The following CADM1 variants were observed in gnomAD, a reference collection of about 807,000 sequenced individuals.
CADM1 encodes cell adhesion molecule 1.
In CADM1, 15 loss-of-function variants were observed where a neutral mutation model predicts 53.1. The ratio of observed to expected loss-of-function variants is 0.28; its 90% confidence interval spans 0.19 to 0.44. The LOEUF is 0.44. Among genes scored for constraint, CADM1 ranks in the 20% least tolerant of loss-of-function variants. CADM1 has a pLI of 1.00. For missense variants in CADM1, 434 were observed against 611.3 expected (o/e 0.71, Z 3.06); for synonymous variants, 281 against 243.0 (o/e 1.16, Z -1.45).
At chr11:115,419,945 G>T (rs2135267709) in intron 1 of CADM1, among the ~76,000 whole-genome samples, 1 of 152,260 alleles carries the variant, frequency 6.6e-6, no homozygotes, top group Non-Finnish European at 1.5e-5. Context: ...AATAAATTCA[G>T]TTCGAGCCTT....
At chr11:115,364,160 T>C (rs562140310) in intron 1 of CADM1, among the ~76,000 whole-genome samples, 14 of 152,324 alleles carry the variant, frequency 9.2e-5, no homozygotes, top group Non-Finnish European at 1.6e-4. Flanking sequence ...GTGATCTTTC[T>C]CAGTGAAATT....
chr11:115,180,220 A>C (rs1305697051), intron 10 of CADM1, among the ~76,000 whole-genome samples: 1 of 152,210 alleles, frequency 6.6e-6, no homozygotes, highest in East Asian at 1.9e-4. Context: ...GATGTGGGGA[A>C]ATAACTCGTG....
rs78148978 is a variant in CADM1, at chr11:115,366,560, C to T, written c.125-126140G>A. On this transcript the variant is annotated intron_variant, in intron 1 of 11. Transcript: ENST00000331581. Reference sequence around the variant, plus strand: ...TTTTTCCTTTCTTCCACTCATCACACAACATGCAAAGAAATACGTCATTTT... The same window carrying T: ...TTTTTCCTTTCTTCCACTCATCACATAACATGCAAAGAAATACGTCATTTT... Among the ~76,000 whole-genome samples the T allele has an allele frequency of 1.9e-4, 29 of 152,268 alleles. No individual in the cohort carries two copies. The East Asian group carries it at 5.4e-3, about 28-fold the overall frequency.
At chr11:115,298,793 T>C (rs1165486400) in intron 1 of CADM1, among the ~76,000 whole-genome samples, 1 of 152,194 alleles carries the variant, frequency 6.6e-6, no homozygotes, top group African/African-American at 2.4e-5. Context: ...TCACGTGGTA[T>C]TTACTAAATA....
At chr11:115,218,093 C>T (rs774632381) in intron 5 of CADM1, 102 bp from the exon 6 acceptor site, 15 of 766,940 alleles carry the variant, frequency 2.0e-5, no homozygotes, top group Non-Finnish European at 3.2e-5. Context: ...CACTTACTCT[C>T]TCCCATCCGA....
chr11:115,237,270 C>T lies in CADM1; in HGVS notation c.424+1230G>A, dbSNP rs1163037112. 2.6e-5 allele frequency among the ~76,000 whole-genome samples: 4 copies of T among 152,278 alleles called. No individual in the cohort carries two copies. In the East Asian group the frequency reaches 7.7e-4, roughly 29 times the overall value. On this transcript the variant is annotated intron_variant, in intron 3 of 11. Coordinates refer to ENST00000331581, the MANE Select transcript of CADM1 (RefSeq NM_001301043.2). ...TCTACAGGTCTAATCTGGAGTAAAA[C>T]CACAATAGTGACAAATATGAATACG... is the stretch of plus-strand genomic sequence containing the variant.
At chr11:115,398,912 A>C (rs1294619431) in intron 1 of CADM1, among the ~76,000 whole-genome samples, 1 of 152,180 alleles carries the variant, frequency 6.6e-6, no homozygotes, top group Non-Finnish European at 1.5e-5. Flanking sequence ...TTCAGATAAC[A>C]GGAGGGAGAG....
intron 1 of CADM1, among the ~76,000 whole-genome samples, chr11:115,346,666 T>C (rs1945587437): frequency 6.6e-6 from 1 of 152,214 alleles, no homozygotes; most frequent in Admixed American, 6.5e-5. Flanking sequence ...CCCAGGTTTC[T>C]TTAAAATGAA....
intron 1 of CADM1, among the ~76,000 whole-genome samples, chr11:115,385,949 T>C (rs1946689934): frequency 6.6e-6 from 1 of 152,246 alleles, no homozygotes. Context: ...TTCCCTGCAT[T>C]GGGATTTCCT....
intron 4 of CADM1, among the ~76,000 whole-genome samples, chr11:115,231,107 T>A (rs957976456): frequency 1.3e-5 from 2 of 152,174 alleles, no homozygotes; most frequent in African/African-American, 4.8e-5. Context: ...TTTTAGTTCT[T>A]TCTGGGCATC....
intron 1 of CADM1, among the ~76,000 whole-genome samples, chr11:115,382,937 G>T (rs1489269911): frequency 1.3e-5 from 2 of 152,046 alleles, no homozygotes; most frequent in African/African-American, 2.4e-5. Flanking sequence ...AAATAGGGAA[G>T]AAAAAGAAAA....
chr11:115,304,921 G>A (rs2135145193), intron 1 of CADM1, among the ~76,000 whole-genome samples: 1 of 152,056 alleles, frequency 6.6e-6, no homozygotes, highest in East Asian at 1.9e-4. Context: ...GAATCATTAT[G>A]TAAACAATGG....
At chr11:115,253,618 G>A (rs188910173) in intron 1 of CADM1, among the ~76,000 whole-genome samples, 2 of 152,266 alleles carry the variant, frequency 1.3e-5, no homozygotes, top group Admixed American at 1.3e-4. Context: ...ATATGTAATT[G>A]ATGACTGACA....
At chr11:115,247,623 G>A (rs1263314181) in intron 1 of CADM1, among the ~76,000 whole-genome samples, 2 of 152,114 alleles carry the variant, frequency 1.3e-5, no homozygotes, top group Admixed American at 6.5e-5. Flanking sequence ...TGATGCTTAG[G>A]GTGGTGGCTC....
At chr11:115,356,803 T>A (rs764127086) in intron 1 of CADM1, among the ~76,000 whole-genome samples, 7 of 152,190 alleles carry the variant, frequency 4.6e-5, no homozygotes, top group Non-Finnish European at 7.4e-5. Flanking sequence ...CGAGACAAAC[T>A]GATGCTGTAA....
At chr11:115,302,422 G>C (rs1376157624) in intron 1 of CADM1, among the ~76,000 whole-genome samples, 1 of 152,012 alleles carries the variant, frequency 6.6e-6, no homozygotes, top group Non-Finnish European at 1.5e-5. Context: ...TTTTTAAACT[G>C]ATATATCAAA....
rs115389379 is a variant in CADM1 at position 115,308,580 on chromosome 11, A to T, written c.125-68160T>A. ...GTAGTGTTAGAGTGATTTTTTTCAC[A>T]AAGTAACCTATTTTTCACATTTTAG... is the stretch of plus-strand genomic sequence containing the variant. On this transcript the variant is annotated intron_variant, in intron 1 of 11. Transcript: ENST00000331581. Among the ~76,000 whole-genome samples the T allele has an allele frequency of 5.6e-3, 854 of 152,148 alleles. 10 individuals are homozygous for T. Among genetic ancestry groups the T allele is most frequent in the African/African-American group, 0.019 (787 of 41,532 alleles).
chr11:115,462,695 A>T (rs1046442501), intron 1 of CADM1, among the ~76,000 whole-genome samples: 1 of 152,224 alleles, frequency 6.6e-6, no homozygotes, highest in Non-Finnish European at 1.5e-5. Context: ...AATATCAACG[A>T]GGTAAGGGTT....
At chr11:115,340,659 T>TATATATATATA (rs1555069295) in intron 1 of CADM1, among the ~76,000 whole-genome samples, 8 of 16,500 alleles carry the variant, frequency 4.8e-4, no homozygotes, top group African/African-American at 8.1e-4. Context: ...TATATATATA[T>TATATATATATA]TTTTTTTTTT....
Sources: allele counts gnomAD v4.1 joint callset (sites outside exome capture counted in the v4.1 genomes callset), GRCh38; gene constraint gnomAD v4.1.1; transcripts MANE v1.5; gene names NCBI Gene and HGNC (gene_info 2026-07-23, HGNC 2026-07-21).